Variants in RNF214 observed in about 807,000 individuals in gnomAD.
The protein encoded by RNF214 is ring finger protein 214.
In RNF214, 25 loss-of-function variants were observed where a neutral mutation model predicts 75.9. The observed-to-expected ratio is 0.33, with a 90% CI of 0.24 to 0.46. RNF214 has a LOEUF of 0.46. RNF214 is among the 20% of genes least tolerant of loss of function. The probability of loss-of-function intolerance (pLI) is 1.00; values close to 1 mark genes in which losing one functional copy is unlikely to be tolerated. For missense variants in RNF214, 725 were observed against 857.5 expected (o/e 0.85, Z 1.93); for synonymous variants, 314 against 308.8 (o/e 1.02, Z -0.18).
At chr11:117,246,754 GAACT>G in intron 5 of RNF214, 51 bp from the exon 6 acceptor site, 1 of 1,450,838 alleles carries the variant, frequency 6.9e-7, no homozygotes, top group South Asian at 1.6e-5. Context: ...TGCATCAAAA[GAACT>G]AACTTATTTT....
At chr11:117,247,429 AG>A (rs1336488477) in intron 6 of RNF214, among the ~76,000 whole-genome samples, 2 of 152,242 alleles carry the variant, frequency 1.3e-5, no homozygotes, top group African/African-American at 4.8e-5. Context: ...CAGGAGTTCC[AG>A]GCTGCAGTCA....
chr11:117,251,503 C>T (rs1482570761), intron 6 of RNF214, among the ~76,000 whole-genome samples: 2 of 101,348 alleles, frequency 2.0e-5, no homozygotes, highest in Non-Finnish European at 4.0e-5. Flanking sequence ...CCCTCCCGGA[C>T]GGGGCGGCTG....
At chr11:117,242,291 C>T (rs932357343) in intron 4 of RNF214, among the ~76,000 whole-genome samples, 1 of 152,048 alleles carries the variant, frequency 6.6e-6, no homozygotes, top group African/African-American at 2.4e-5. Context: ...AGGGAAAGTG[C>T]TTGTAGCAAC....
At chr11:117,248,865 A>C (rs2033298695) in intron 6 of RNF214, among the ~76,000 whole-genome samples, 1 of 152,194 alleles carries the variant, frequency 6.6e-6, no homozygotes, top group Non-Finnish European at 1.5e-5. Context: ...AGAAACTGGG[A>C]AGATGAGTCT....
At chr11:117,256,514 A>G (rs1405457500) in intron 6 of RNF214, among the ~76,000 whole-genome samples, 1 of 152,018 alleles carries the variant, frequency 6.6e-6, no homozygotes, top group Non-Finnish European at 1.5e-5. Flanking sequence ...GACTCCTGGA[A>G]AGCTGAGCTC....
intron 6 of RNF214, among the ~76,000 whole-genome samples, chr11:117,251,143 C>T (rs1211319420): frequency 4.7e-5 from 7 of 150,218 alleles, no homozygotes; most frequent in East Asian, 2.0e-4. Flanking sequence ...ACCTCCCAGA[C>T]GGGGTGGTGG....
intron 6 of RNF214, among the ~76,000 whole-genome samples, chr11:117,250,020 G>A (rs551268586): frequency 3.9e-4 from 59 of 152,318 alleles, no homozygotes; most frequent in African/African-American, 1.4e-3. Flanking sequence ...GAGCCAGACA[G>A]TAGGGCCTGG....
chr11:117,243,368 A>T (rs983537154), intron 4 of RNF214, among the ~76,000 whole-genome samples: 22 of 151,822 alleles, frequency 1.4e-4, no homozygotes, highest in Non-Finnish European at 3.2e-4. Flanking sequence ...CTGGTCTCGA[A>T]CTGCTGACCT....
At chr11:117,268,973 A>G (rs959591067) in intron 6 of RNF214, among the ~76,000 whole-genome samples, 3 of 152,216 alleles carry the variant, frequency 2.0e-5, no homozygotes, top group African/African-American at 7.2e-5. Flanking sequence ...TATAAAATTT[A>G]TTTCATGTGC....
At chr11:117,270,570 C>T (rs1441834424) in intron 6 of RNF214, among the ~76,000 whole-genome samples, 1 of 151,382 alleles carries the variant, frequency 6.6e-6, no homozygotes, top group Non-Finnish European at 1.5e-5. Context: ...TCCCCCACCC[C>T]CCCGGTAGCT....
At chr11:117,265,354 T>C (rs2509210) in intron 6 of RNF214, among the ~76,000 whole-genome samples, 108,877 of 152,086 alleles carry the variant, frequency 0.72, 40,475 homozygotes, top group East Asian at 0.95. Context: ...GGATAAAGTA[T>C]CTGGAAATTT....
At chr11:117,251,897 C>G (rs1337897922) in intron 6 of RNF214, among the ~76,000 whole-genome samples, 1 of 152,182 alleles carries the variant, frequency 6.6e-6, no homozygotes, top group East Asian at 1.9e-4. Flanking sequence ...GAGACAGAGT[C>G]TCACTCTGTT....
chr11:117,278,856 C>T (rs780873493), intron 6 of RNF214, among the ~76,000 whole-genome samples: 8 of 152,086 alleles, frequency 5.3e-5, no homozygotes, highest in Non-Finnish European at 7.4e-5. Context: ...TGTGGGAGGC[C>T]GAGGTGGCAG....
At position 117,238,858 on chromosome 11, in the gene RNF214, C is replaced by G. The variant is rs2032989874; in HGVS notation, c.365C>G (p.Thr122Arg). 1 of 1,614,202 alleles carries G rather than the reference C, an allele frequency of 6.2e-7. No homozygotes were observed. The change falls in exon 3 of 15, where the codon ACA becomes AGA. Residue 122 changes from threonine to arginine, a missense_variant. Coordinates refer to ENST00000300650, the MANE Select transcript of RNF214 (RefSeq NM_207343.4). ...AGCACAGCAGGAGAGGAGGGGGACA[C>G]AAGCCTTCGGGAGAGCCTCCATCCA... ...VASTAGEEGD[T>R]SLRESLHPVT...
intron 6 of RNF214, among the ~76,000 whole-genome samples, chr11:117,272,119 G>A (rs989069969): frequency 2.6e-5 from 4 of 152,080 alleles, no homozygotes; most frequent in African/African-American, 9.7e-5. Flanking sequence ...GTAGCTACTT[G>A]GGAGGCTGAG....
intron 6 of RNF214, among the ~76,000 whole-genome samples, chr11:117,248,757 C>T (rs1040631013): frequency 3.3e-5 from 5 of 152,178 alleles, no homozygotes; most frequent in Admixed American, 2.0e-4. Context: ...AAAGCAGTTG[C>T]TCCCACCCCA....
intron 6 of RNF214, among the ~76,000 whole-genome samples, chr11:117,251,843 C>A (rs888811098): frequency 3.9e-5 from 6 of 152,138 alleles, no homozygotes; most frequent in Admixed American, 3.9e-4. Context: ...TCAAATGATA[C>A]AATTTGCATT....
chr11:117,270,869 G>A (rs1288321473), intron 6 of RNF214, among the ~76,000 whole-genome samples: 1 of 152,082 alleles, frequency 6.6e-6, no homozygotes, highest in Non-Finnish European at 1.5e-5. Context: ...GGGATTACAG[G>A]TGTGAGCCAC....
chr11:117,248,674 A>G (rs995098983), intron 6 of RNF214, among the ~76,000 whole-genome samples: 3 of 152,200 alleles, frequency 2.0e-5, no homozygotes, highest in Admixed American at 6.5e-5. Flanking sequence ...TCAGTTGTCT[A>G]TAATGATAAT....
Sources: allele counts gnomAD v4.1 joint callset (sites outside exome capture counted in the v4.1 genomes callset), GRCh38; gene constraint gnomAD v4.1.1; transcripts MANE v1.5; gene names NCBI Gene and HGNC (gene_info 2026-07-23, HGNC 2026-07-21).